PALLD: variants seen among roughly 807,000 people sequenced by gnomAD.
The protein encoded by PALLD is palladin.
Under a neutral mutation model 123.5 loss-of-function variants are expected in PALLD, and 61 were observed. The observed-to-expected ratio is 0.49, with a 90% CI of 0.40 to 0.61. The LOEUF is 0.61. PALLD is among the 20% of genes least tolerant of loss of function. The probability of loss-of-function intolerance (pLI) is 0.00; values close to 1 mark genes in which losing one functional copy is unlikely to be tolerated. For missense variants in PALLD, 1,273 were observed against 1,377.0 expected, an observed-to-expected ratio of 0.92 and a Z score of 1.20; for synonymous variants, 465 against 496.4, an observed-to-expected ratio of 0.94 and a Z score of 0.84.
chr4:168,520,600 A>C (rs1763468487), intron 2 of PALLD, among the ~76,000 whole-genome samples: 1 of 152,174 alleles, frequency 6.6e-6, no homozygotes, highest in African/African-American at 2.4e-5. Context: ...ATTAATGAGA[A>C]TATTGAGTCT....
At chr4:168,504,519 G>A (rs556513344) in intron 1 of PALLD, among the ~76,000 whole-genome samples, 2 of 151,740 alleles carry the variant, frequency 1.3e-5, no homozygotes, top group South Asian at 2.1e-4. Context: ...TCTTGAACCC[G>A]GCAGGTGGAT....
Position 168,914,008 on chromosome 4 carries a change from C to G in PALLD, c.2704C>G (p.Pro902Ala). 1 of 1,600,892 alleles carries G rather than the reference C, an allele frequency of 6.2e-7. No homozygotes were observed. The highest frequency in any genetic ancestry group is 8.6e-7 in the Non-Finnish European group (1 of 1,168,086). Reference sequence around the variant, plus strand: ...AAGTCCCCGGTCTCCCTCAGGCCATCCTCATGTCAGAAGGTATTTAACATG... The same window carrying G: ...AAGTCCCCGGTCTCCCTCAGGCCATGCTCATGTCAGAAGGTATTTAACATG... ...GRSPRSPSGH[P>A]HVRRPRSRSR... Residue 902 changes from proline (P) to alanine (A), a missense_variant, in exon 16 of 22, where the codon CCT becomes GCT. Physicochemically the swap from Pro to Ala is conservative, Grantham distance 27 (BLOSUM62 -1). Coordinates refer to ENST00000505667, the MANE Select transcript of PALLD (RefSeq NM_001166108.2).
intron 12 of PALLD, among the ~76,000 whole-genome samples, chr4:168,896,091 T>A (rs1008911782): frequency 2.0e-5 from 3 of 151,832 alleles, no homozygotes; most frequent in Non-Finnish European, 4.4e-5. Flanking sequence ...GCGCCTGTAG[T>A]CCCAGCTACG....
intron 10 of PALLD, among the ~76,000 whole-genome samples, chr4:168,736,661 C>T (rs1787785318): frequency 6.6e-6 from 1 of 152,120 alleles, no homozygotes. Flanking sequence ...GCCCTAGGTG[C>T]AAAGGATCTC....
intron 2 of PALLD, among the ~76,000 whole-genome samples, chr4:168,660,936 G>A (rs559294511): frequency 9.5e-5 from 14 of 147,360 alleles, no homozygotes; most frequent in African/African-American, 2.8e-4. Flanking sequence ...ACAGAGTCTC[G>A]CTCTGTCACC....
chr4:168,919,678 C>T (rs988242476), intron 17 of PALLD, among the ~76,000 whole-genome samples: 13 of 152,188 alleles, frequency 8.5e-5, no homozygotes, highest in Non-Finnish European at 2.9e-5. Context: ...GCCCCCTCCC[C>T]TTTTAGCCCC....
At chr4:168,836,674 G>A (rs1212207208) in intron 10 of PALLD, among the ~76,000 whole-genome samples, 1 of 152,184 alleles carries the variant, frequency 6.6e-6, no homozygotes, top group African/African-American at 2.4e-5. Flanking sequence ...AGACTCTTAA[G>A]CTTGGCGTTG....
chr4:168,594,264 T>C (rs962320998), intron 2 of PALLD, among the ~76,000 whole-genome samples: 3 of 152,204 alleles, frequency 2.0e-5, no homozygotes, highest in Non-Finnish European at 2.9e-5. Flanking sequence ...TGGAATTTGA[T>C]GATCAGTTAT....
chr4:168,644,182 G>A (rs1390786352), intron 2 of PALLD, among the ~76,000 whole-genome samples: 2 of 151,444 alleles, frequency 1.3e-5, no homozygotes, highest in South Asian at 2.1e-4. Flanking sequence ...TCCACCTCCC[G>A]GGTTCAAGTG....
At chr4:168,540,013 T>C (rs550366489) in intron 2 of PALLD, among the ~76,000 whole-genome samples, 1 of 152,208 alleles carries the variant, frequency 6.6e-6, no homozygotes, top group African/African-American at 2.4e-5. Context: ...GCCATCTTTA[T>C]GTCCATGTCA....
Position 168,576,685 on chromosome 4 carries a change from G to T in PALLD, c.908+64273G>T, listed in dbSNP as rs569249298. On this transcript the variant is annotated intron_variant, in intron 2 of 21. Coordinates refer to ENST00000505667, the MANE Select transcript of PALLD (RefSeq NM_001166108.2). ...AGTCTTTGCTATTGTGAATAGTGCCGCAATAAACATACGTGTGCATGTGTC... is the reference window on the plus strand; with the variant it reads ...AGTCTTTGCTATTGTGAATAGTGCCTCAATAAACATACGTGTGCATGTGTC... Among the ~76,000 whole-genome samples the T allele has an allele frequency of 2.6e-5, 4 of 151,896 alleles. No individual in the cohort carries two copies. In the South Asian group the frequency reaches 6.3e-4, roughly 24 times the overall value.
chr4:168,754,373 C>T (rs2150399246), intron 10 of PALLD, among the ~76,000 whole-genome samples: 1 of 152,138 alleles, frequency 6.6e-6, no homozygotes, highest in Middle Eastern at 3.4e-3. Context: ...TATTTCATGC[C>T]TAGGGTAATG....
At chr4:168,537,061 G>A (rs10034524) in intron 2 of PALLD, among the ~76,000 whole-genome samples, 3,396 of 152,224 alleles carry the variant, frequency 0.022, 133 homozygotes, top group African/African-American at 0.078. Context: ...TCCTGACCTT[G>A]TGATCCGCTG....
At chr4:168,748,570 G>A (rs1240563619) in intron 10 of PALLD, among the ~76,000 whole-genome samples, 1 of 152,182 alleles carries the variant, frequency 6.6e-6, no homozygotes, top group Non-Finnish European at 1.5e-5. Flanking sequence ...AGTTCCTGTG[G>A]ATCAGGAATC....
chr4:168,509,899 C>G (rs145950599), intron 1 of PALLD, among the ~76,000 whole-genome samples: 20 of 152,284 alleles, frequency 1.3e-4, no homozygotes, highest in African/African-American at 4.1e-4. Context: ...GGCTCTTGAG[C>G]TGGATTTCTA....
chr4:168,719,275 T>G (rs1414969988), intron 10 of PALLD, among the ~76,000 whole-genome samples: 3 of 140,694 alleles, frequency 2.1e-5, no homozygotes, highest in Non-Finnish European at 4.6e-5. Flanking sequence ...TTTTTTTTTT[T>G]GAGAAAAATT....
intron 10 of PALLD, among the ~76,000 whole-genome samples, chr4:168,777,847 A>G (rs1050584428): frequency 6.6e-5 from 10 of 152,160 alleles, no homozygotes; most frequent in Non-Finnish European, 1.2e-4. Flanking sequence ...AATGCTGCCT[A>G]ATGAGCACTC....
At chr4:168,712,035 T>A (rs1784883232) in intron 10 of PALLD, 112 bp downstream of exon 10, 2 of 813,180 alleles carry the variant, frequency 2.5e-6, no homozygotes, top group South Asian at 2.9e-5. Context: ...TGGCCTTGAC[T>A]CATGGGACCT....
intron 2 of PALLD, among the ~76,000 whole-genome samples, chr4:168,633,682 C>G (rs907830027): frequency 6.6e-6 from 1 of 152,136 alleles, no homozygotes; most frequent in Admixed American, 6.5e-5. Context: ...AAATTAGAAA[C>G]TACAAGAGAC....
Sources: gnomAD v4.1 joint callset for allele counts (sites outside exome capture counted in the v4.1 genomes callset) on GRCh38, gnomAD v4.1.1 for gene constraint, MANE v1.5 for transcripts, NCBI Gene and HGNC (gene_info 2026-07-23, HGNC 2026-07-21) for gene names.